DENND1B: variants seen among roughly 807,000 people sequenced by gnomAD.
DENND1B encodes the protein DENN domain-containing protein 1B.
DENND1B carries 59 observed loss-of-function variants against 90.1 expected under a neutral mutation model. The observed-to-expected ratio is 0.65, with a 90% CI of 0.53 to 0.81. The LOEUF is 0.81. Among genes scored for constraint, DENND1B ranks in the 40% least tolerant of loss-of-function variants. The probability of loss-of-function intolerance (pLI) is 0.00; values close to 1 mark genes in which losing one functional copy is unlikely to be tolerated. For synonymous variants in DENND1B, 337 were observed against 324.6 expected (o/e 1.04, Z -0.41); for missense variants, 862 against 912.6 (o/e 0.94, Z 0.71).
chr1:197,629,142 A>G (rs527361159), intron 10 of DENND1B, among the ~76,000 whole-genome samples: 143 of 152,314 alleles, frequency 9.4e-4, no homozygotes, highest in African/African-American at 3.3e-3. Flanking sequence ...ATCTAGAACC[A>G]GAAATACCAT....
chr1:197,565,112 T>C (rs1344442103), intron 15 of DENND1B, among the ~76,000 whole-genome samples: 1 of 152,036 alleles, frequency 6.6e-6, no homozygotes, highest in Non-Finnish European at 1.5e-5. Flanking sequence ...CTTCATTTAC[T>C]AGTAATACAA....
chr1:197,694,579 C>T (rs747160078), intron 3 of DENND1B, among the ~76,000 whole-genome samples: 1 of 151,398 alleles, frequency 6.6e-6, no homozygotes, highest in Non-Finnish European at 1.5e-5. Flanking sequence ...AATTTCTCCA[C>T]TCTATTTCTC....
intron 2 of DENND1B, among the ~76,000 whole-genome samples, chr1:197,764,928 C>T (rs1655519531): frequency 6.6e-6 from 1 of 152,012 alleles, no homozygotes; most frequent in South Asian, 2.1e-4. Context: ...TTTTACCAGT[C>T]ACCAGGCAGC....
intron 2 of DENND1B, among the ~76,000 whole-genome samples, chr1:197,742,637 A>T (rs1181368553): frequency 6.6e-6 from 1 of 152,222 alleles, no homozygotes; most frequent in African/African-American, 2.4e-5. Flanking sequence ...TCTCTGGGAA[A>T]AAAAGCACTA....
At chr1:197,773,480 C>T (rs1035407949) in intron 1 of DENND1B, among the ~76,000 whole-genome samples, 4 of 152,164 alleles carry the variant, frequency 2.6e-5, no homozygotes, top group East Asian at 3.8e-4. Flanking sequence ...GAATGTGATA[C>T]GTTGCATATA....
rs557567132 is a variant in DENND1B at position 197,581,845 on chromosome 1, T to C, written c.1149+1307A>G. Among the ~76,000 whole-genome samples the C allele has an allele frequency of 8.5e-4, 129 of 152,318 alleles. 1 individual carries two copies. Among genetic ancestry groups the C allele is most frequent in the African/African-American group, 3.0e-3 (126 of 41,576 alleles). ...ACAACTCAGTTTTGATAATGGAAGATAGTGCCTCTTCTTGATAGAGAAAAA... is the reference window on the plus strand; with the variant it reads ...ACAACTCAGTTTTGATAATGGAAGACAGTGCCTCTTCTTGATAGAGAAAAA... On this transcript the variant is annotated intron_variant, in intron 15 of 22. Coordinates refer to ENST00000620048, the MANE Select transcript of DENND1B (RefSeq NM_001195215.2).
intron 20 of DENND1B, among the ~76,000 whole-genome samples, chr1:197,514,295 T>C (rs755606990): frequency 6.6e-6 from 1 of 151,668 alleles, no homozygotes; most frequent in Non-Finnish European, 1.5e-5. Context: ...AAATCCTTGA[T>C]TTCTTTCCTT....
At chr1:197,650,146 C>A (rs953017166) in intron 7 of DENND1B, among the ~76,000 whole-genome samples, 1 of 152,136 alleles carries the variant, frequency 6.6e-6, no homozygotes, top group Non-Finnish European at 1.5e-5. Flanking sequence ...CTCAAAACCA[C>A]AATGTGATAC....
chr1:197,697,641 C>G (rs1261293672), intron 3 of DENND1B, among the ~76,000 whole-genome samples: 2 of 151,802 alleles, frequency 1.3e-5, no homozygotes, highest in African/African-American at 4.8e-5. Flanking sequence ...ATTGGATAGT[C>G]AAGACCCACT....
intron 15 of DENND1B, among the ~76,000 whole-genome samples, chr1:197,572,271 G>C (rs1209368949): frequency 6.6e-6 from 1 of 152,122 alleles, no homozygotes; most frequent in African/African-American, 2.4e-5. Context: ...TCTCTTCTGT[G>C]CCTGGCTCAG....
At chr1:197,675,378 T>C (rs1372254175) in intron 3 of DENND1B, among the ~76,000 whole-genome samples, 3 of 151,860 alleles carry the variant, frequency 2.0e-5, no homozygotes, top group African/African-American at 7.3e-5. Flanking sequence ...AAAATTCCAA[T>C]ACCAATACCT....
At chr1:197,715,653 G>T (rs2102242239) in intron 2 of DENND1B, among the ~76,000 whole-genome samples, 1 of 151,600 alleles carries the variant, frequency 6.6e-6, no homozygotes, top group South Asian at 2.1e-4. Flanking sequence ...AAATACAATT[G>T]ATATTTGCAG....
intron 5 of DENND1B, among the ~76,000 whole-genome samples, chr1:197,668,666 G>A (rs1297927955): frequency 6.6e-6 from 1 of 151,104 alleles, no homozygotes; most frequent in East Asian, 2.0e-4. Context: ...ATACATTGTG[G>A]AATGACTAAA....
intron 2 of DENND1B, among the ~76,000 whole-genome samples, chr1:197,738,984 G>A (rs7533766): frequency 0.45 from 67,680 of 151,998 alleles, 15,603 homozygotes; most frequent in East Asian, 0.66. Flanking sequence ...GAACAGAGAC[G>A]AAGCTGCACA....
Position 197,652,333 on chromosome 1 carries a change from G to C in DENND1B, c.367-18C>G, listed in dbSNP as rs1653319221. Reference sequence around the variant, plus strand: ...TCATTTTCCTAGGGCAAAAGAAAAAGTACATTTTATAAATAAAACATATAC... The same window carrying C: ...TCATTTTCCTAGGGCAAAAGAAAAACTACATTTTATAAATAAAACATATAC... On this transcript the variant is annotated intron_variant, in intron 6 of 22. Transcript: ENST00000620048. 1.3e-6 allele frequency: 2 copies of C among 1,596,042 alleles called. No individual in the cohort carries two copies.
chr1:197,637,170 C>G (rs557751420), intron 10 of DENND1B, among the ~76,000 whole-genome samples: 32 of 151,972 alleles, frequency 2.1e-4, no homozygotes, highest in African/African-American at 7.0e-4. Flanking sequence ...ACTATCAGCA[C>G]AAAATTGTCA....
chr1:197,645,850 A>ATG (rs1680685782), intron 8 of DENND1B, 107 bp from the exon 9 acceptor site: 8 of 637,782 alleles, frequency 1.3e-5, no homozygotes, highest in Non-Finnish European at 2.0e-5. Context: ...AAAAAATGCC[A>ATG]TGGACTGACA....
intron 3 of DENND1B, among the ~76,000 whole-genome samples, chr1:197,697,056 G>T (rs904569352): frequency 1.1e-5 from 1 of 90,072 alleles, no homozygotes; most frequent in Non-Finnish European, 2.4e-5. Context: ...AGAAGAAACA[G>T]AATGGAAAAG....
chr1:197,746,450 A>C (rs1327563707), intron 2 of DENND1B, among the ~76,000 whole-genome samples: 2 of 152,134 alleles, frequency 1.3e-5, no homozygotes, highest in Non-Finnish European at 2.9e-5. Flanking sequence ...ATGAACGAAA[A>C]ACAGCAAAAC....
Sources: allele counts gnomAD v4.1 joint callset (sites outside exome capture counted in the v4.1 genomes callset), GRCh38; gene constraint gnomAD v4.1.1; transcripts MANE v1.5; gene names NCBI Gene and HGNC (gene_info 2026-07-23, HGNC 2026-07-21).